The following RAB31 variants were observed in gnomAD, a reference collection of about 807,000 sequenced individuals.
The protein encoded by RAB31 is ras-related protein Rab-31.
In RAB31, 21 loss-of-function variants were observed where a neutral mutation model predicts 25.6. That is an observed-to-expected ratio of 0.82 (90% CI 0.58 to 1.18). The LOEUF is 1.18. Among genes scored for constraint, RAB31 ranks in the 50% most tolerant of loss-of-function variants. RAB31 has a pLI of 0.00. For synonymous variants in RAB31, 87 were observed against 84.0 expected (o/e 1.04, Z -0.20); for missense variants, 196 against 250.1 (o/e 0.78, Z 1.46).
intron 1 of RAB31, among the ~76,000 whole-genome samples, chr18:9,719,325 AT>A (rs1448185069): frequency 7.1e-5 from 6 of 84,488 alleles, no homozygotes; most frequent in African/African-American, 2.4e-4. Context: ...ATATATATAT[AT>A]ATAAATAAAT....
chr18:9,784,478 C>T (rs1362808804), intron 2 of RAB31, among the ~76,000 whole-genome samples: 1 of 151,898 alleles, frequency 6.6e-6, no homozygotes. Context: ...TTGAATAATT[C>T]CATAACATGA....
chr18:9,729,851 C>T (rs2068113787), intron 1 of RAB31, among the ~76,000 whole-genome samples: 1 of 152,114 alleles, frequency 6.6e-6, no homozygotes, highest in South Asian at 2.1e-4. Context: ...CCAGTAGTGT[C>T]CGAATTATGA....
At chr18:9,764,304 T>C (rs886833044) in intron 1 of RAB31, among the ~76,000 whole-genome samples, 1 of 152,226 alleles carries the variant, frequency 6.6e-6, no homozygotes, top group African/African-American at 2.4e-5. Flanking sequence ...ATAATCTTTT[T>C]ATCCCCTGTC....
chr18:9,777,738 A>G (rs1460656585), intron 2 of RAB31, among the ~76,000 whole-genome samples: 1 of 149,708 alleles, frequency 6.7e-6, no homozygotes, highest in Non-Finnish European at 1.5e-5. Context: ...TTAAAATAAA[A>G]TCTTTTTGTA....
At chr18:9,790,284 C>A (rs1272997697) in intron 2 of RAB31, among the ~76,000 whole-genome samples, 1 of 152,116 alleles carries the variant, frequency 6.6e-6, no homozygotes, top group African/African-American at 2.4e-5. Flanking sequence ...TGCACTGGGG[C>A]AATCTTGGCG....
At chr18:9,824,310 ATGTG>A (rs916535565) in intron 5 of RAB31, among the ~76,000 whole-genome samples, 1 of 125,276 alleles carries the variant, frequency 8.0e-6, no homozygotes, top group South Asian at 2.4e-4. Context: ...GTAGATGTGT[ATGTG>A]TGTGTAGATG....
chr18:9,798,843 A>G (rs1251121541), intron 3 of RAB31, among the ~76,000 whole-genome samples: 2 of 152,040 alleles, frequency 1.3e-5, no homozygotes, highest in African/African-American at 2.4e-5. Context: ...TAATCCCAGC[A>G]CTTTGGGAGG....
At chr18:9,809,801 T>G (rs1348081673) in intron 3 of RAB31, among the ~76,000 whole-genome samples, 1 of 152,228 alleles carries the variant, frequency 6.6e-6, no homozygotes, top group Non-Finnish European at 1.5e-5. Flanking sequence ...GATTATTCCC[T>G]TAAGAGGTGG....
intron 2 of RAB31, among the ~76,000 whole-genome samples, chr18:9,781,361 T>A (rs1242635620): frequency 6.6e-6 from 1 of 152,160 alleles, no homozygotes; most frequent in Admixed American, 6.5e-5. Context: ...CTGTTGCCCA[T>A]GCTGGAGCAC....
intron 1 of RAB31, among the ~76,000 whole-genome samples, chr18:9,733,021 T>C (rs1245085108): frequency 6.6e-6 from 1 of 152,228 alleles, no homozygotes; most frequent in Non-Finnish European, 1.5e-5. Flanking sequence ...CACCTGGCTC[T>C]GGATGCTGAT....
At chr18:9,840,882 G>A (rs1730623327) in intron 5 of RAB31, among the ~76,000 whole-genome samples, 1 of 152,072 alleles carries the variant, frequency 6.6e-6, no homozygotes, top group Non-Finnish European at 1.5e-5. Context: ...TACTGTCAAA[G>A]GAAGGAATTA....
chr18:9,756,582 T>C (rs2145481248), intron 1 of RAB31, among the ~76,000 whole-genome samples: 1 of 152,312 alleles, frequency 6.6e-6, no homozygotes, highest in South Asian at 2.1e-4. Flanking sequence ...ACTTTTCAAA[T>C]TTATTATGGT....
At chr18:9,715,692 G>A (rs1326909129) in intron 1 of RAB31, among the ~76,000 whole-genome samples, 2 of 151,930 alleles carry the variant, frequency 1.3e-5, no homozygotes, top group African/African-American at 4.8e-5. Context: ...ACCATGCCCA[G>A]CTAATTTTTG....
At chr18:9,793,438 G>A (rs186320863) in intron 3 of RAB31, among the ~76,000 whole-genome samples, 22 of 152,206 alleles carry the variant, frequency 1.4e-4, no homozygotes, top group Admixed American at 3.3e-4. Context: ...CGAGGCGGGC[G>A]GATCATGAGG....
At position 9,850,788 on chromosome 18, in the gene RAB31, C is replaced by T. The variant is rs1177679341; in HGVS notation, c.490+5097C>T. ...GACTGAGGCAGGAGGATCACTTGGG[C>T]CCAGGAGTTTGAGGCTGCAGTGAGC... On this transcript the variant is annotated intron_variant, in intron 6 of 6. Coordinates refer to ENST00000578921, the MANE Select transcript of RAB31 (RefSeq NM_006868.4). Among the ~76,000 whole-genome samples, 3 of 152,048 alleles carry T rather than the reference C, an allele frequency of 2.0e-5. No homozygotes were observed. In the East Asian group the frequency reaches 5.8e-4, roughly 29 times the overall value.
chr18:9,852,872 C>T (rs57674192), intron 6 of RAB31, among the ~76,000 whole-genome samples: 11,464 of 152,258 alleles, frequency 0.075, 549 homozygotes, highest in Non-Finnish European at 0.11. Flanking sequence ...GTTCCAGTTG[C>T]TCCAAGTCCT....
chr18:9,719,982 T>TTC (rs35869418), intron 1 of RAB31, among the ~76,000 whole-genome samples: 4 of 151,302 alleles, frequency 2.6e-5, no homozygotes, highest in Non-Finnish European at 5.9e-5. Flanking sequence ...CTTTTTTTTT[T>TTC]AGATGGAGTC....
chr18:9,762,333 T>C (rs556328320), intron 1 of RAB31, among the ~76,000 whole-genome samples: 1 of 152,198 alleles, frequency 6.6e-6, no homozygotes, highest in Non-Finnish European at 1.5e-5. Context: ...TTGTAAAAAA[T>C]TGCAGAATGT....
intron 1 of RAB31, among the ~76,000 whole-genome samples, chr18:9,721,789 G>A (rs1235750721): frequency 6.6e-6 from 1 of 152,068 alleles, no homozygotes; most frequent in Non-Finnish European, 1.5e-5. Context: ...TTCTAGTAGG[G>A]GTGACAGGCG....
Sources: gnomAD v4.1 joint callset for allele counts (sites outside exome capture counted in the v4.1 genomes callset) on GRCh38, gnomAD v4.1.1 for gene constraint, MANE v1.5 for transcripts, NCBI Gene and HGNC (gene_info 2026-07-23, HGNC 2026-07-21) for gene names.